KALRN: variants seen among roughly 807,000 people sequenced by gnomAD.
The protein encoded by KALRN is kalirin RhoGEF kinase, also known as kalirin.
KALRN carries 70 observed loss-of-function variants against 353.7 expected under a neutral mutation model. That is an observed-to-expected ratio of 0.20 (90% CI 0.16 to 0.24). The LOEUF is 0.24. Ranked by LOEUF, KALRN falls within the 10% of genes least tolerant of loss-of-function variation. KALRN has a pLI of 1.00. For synonymous variants in KALRN, 1,391 were observed against 1,434.8 expected (o/e 0.97, Z 0.69); for missense variants, 2,791 against 3,756.7 (o/e 0.74, Z 6.72).
chr3:124,280,028 G>T (rs2075182783), intron 5 of KALRN, among the ~76,000 whole-genome samples: 1 of 152,152 alleles, frequency 6.6e-6, no homozygotes. Flanking sequence ...TGCCATGTGG[G>T]TTACCAGGAG....
chr3:124,339,718 A>T (rs973395272), intron 9 of KALRN, among the ~76,000 whole-genome samples: 2 of 152,204 alleles, frequency 1.3e-5, no homozygotes, highest in Admixed American at 6.5e-5. Context: ...TGGCATATAG[A>T]TGATCCTTAA....
chr3:124,410,648 A>G (rs1399733457), intron 13 of KALRN, among the ~76,000 whole-genome samples: 1 of 152,226 alleles, frequency 6.6e-6, no homozygotes, highest in African/African-American at 2.4e-5. Context: ...ATGAAATAGC[A>G]CTTCACACCC....
intron 12 of KALRN, among the ~76,000 whole-genome samples, chr3:124,397,313 G>C (rs2090290725): frequency 6.6e-6 from 1 of 152,176 alleles, no homozygotes; most frequent in East Asian, 1.9e-4. Context: ...AACAGGCCAG[G>C]GTGAGGAGGC....
At chr3:124,379,824 T>G (rs1296382917) in intron 10 of KALRN, among the ~76,000 whole-genome samples, 1 of 152,244 alleles carries the variant, frequency 6.6e-6, no homozygotes, top group African/African-American at 2.4e-5. Context: ...AAGAGATTTG[T>G]CAGCTGTAAA....
At chr3:124,254,822 G>A (rs1032590236) in intron 3 of KALRN, among the ~76,000 whole-genome samples, 3 of 152,126 alleles carry the variant, frequency 2.0e-5, no homozygotes, top group Non-Finnish European at 4.4e-5. Flanking sequence ...CTGGTCTCCT[G>A]CTTCCTTACC....
At chr3:124,366,815 T>A (rs1330034610) in intron 10 of KALRN, among the ~76,000 whole-genome samples, 1 of 118,016 alleles carries the variant, frequency 8.5e-6, no homozygotes, top group African/African-American at 3.4e-5. Context: ...CCGGACGGGG[T>A]GGCTGGCTGG....
intron 33 of KALRN, among the ~76,000 whole-genome samples, chr3:124,505,448 G>A (rs766369016): frequency 1.1e-4 from 17 of 152,090 alleles, no homozygotes; most frequent in Non-Finnish European, 2.2e-4. Flanking sequence ...TGGGCAGCAT[G>A]GTGAAACCCT....
At chr3:124,309,450 A>C in intron 6 of KALRN, among the ~76,000 whole-genome samples, 1 of 152,166 alleles carries the variant, frequency 6.6e-6, no homozygotes, top group East Asian at 1.9e-4. Context: ...AGTCCCAGCT[A>C]CTTGTGAGGC....
intron 33 of KALRN, 138 bp downstream of exon 33, chr3:124,496,551 GGA>G (rs1391257217): frequency 1.5e-6 from 1 of 654,422 alleles, no homozygotes; most frequent in Admixed American, 2.3e-5. Context: ...CAGCCAAGGA[GGA>G]AAGAACAGGG....
intron 21 of KALRN, among the ~76,000 whole-genome samples, chr3:124,449,169 A>G (rs1299487319): frequency 2.0e-5 from 3 of 152,180 alleles, no homozygotes; most frequent in African/African-American, 7.2e-5. Context: ...TGAATTTGAA[A>G]TGGAAACCAA....
chr3:124,329,507 G>T (rs57513297), intron 7 of KALRN, among the ~76,000 whole-genome samples: 1 of 152,040 alleles, frequency 6.6e-6, no homozygotes, highest in Admixed American at 6.5e-5. Context: ...GTGAGTGTGC[G>T]TGGGGCAAGA....
chr3:124,237,463 A>G (rs1259835506), intron 3 of KALRN, among the ~76,000 whole-genome samples: 7 of 151,418 alleles, frequency 4.6e-5, no homozygotes, highest in African/African-American at 1.5e-4. Flanking sequence ...CCCAGGTTCA[A>G]GTGATTCTTG....
chr3:124,359,159 G>C (rs1374345026), intron 10 of KALRN, among the ~76,000 whole-genome samples: 1 of 152,142 alleles, frequency 6.6e-6, no homozygotes, highest in Non-Finnish European at 1.5e-5. Context: ...AACCCAAAAG[G>C]TGTCTATGCA....
Position 124,085,553 on chromosome 3 carries a change from G to A in KALRN, c.73+51740G>A, listed in dbSNP as rs16835082. ...AGCCACTTGAACAGGTGGATAAGTCGGGTGAATTTTTTACTGTGACCTGTG... is the reference window on the plus strand; with the variant it reads ...AGCCACTTGAACAGGTGGATAAGTCAGGTGAATTTTTTACTGTGACCTGTG... On this transcript the variant is annotated intron_variant, in intron 1 of 59. Transcript: ENST00000682506. Among the ~76,000 whole-genome samples, 1,291 of 152,258 alleles carry A rather than the reference G, an allele frequency of 8.5e-3. 22 individuals are homozygous for A. The highest frequency in any genetic ancestry group is 0.029 in the African/African-American group (1,197 of 41,534).
intron 1 of KALRN, among the ~76,000 whole-genome samples, chr3:124,190,816 A>C (rs1008399402): frequency 6.6e-6 from 1 of 152,204 alleles, no homozygotes; most frequent in African/African-American, 2.4e-5. Flanking sequence ...AGCAGACACC[A>C]ACTGGGTGCC....
intron 3 of KALRN, among the ~76,000 whole-genome samples, chr3:124,263,852 C>G (rs1009027206): frequency 7.2e-5 from 11 of 152,142 alleles, no homozygotes; most frequent in African/African-American, 2.7e-4. Context: ...TAAGAGGCAA[C>G]AGGGTCTCTG....
chr3:124,365,031 T>G (rs1025524277), intron 10 of KALRN, among the ~76,000 whole-genome samples: 4 of 152,212 alleles, frequency 2.6e-5, no homozygotes, highest in Non-Finnish European at 5.9e-5. Flanking sequence ...TGGTCACTCC[T>G]TTACCAAGTA....
intron 1 of KALRN, among the ~76,000 whole-genome samples, chr3:124,118,564 C>G (rs1167526939): frequency 6.6e-6 from 1 of 152,190 alleles, no homozygotes; most frequent in South Asian, 2.1e-4. Flanking sequence ...CTGTCCCTCA[C>G]GTGGGCTCTG....
At chr3:124,569,097 C>T (rs965108234) in intron 34 of KALRN, among the ~76,000 whole-genome samples, 14 of 152,144 alleles carry the variant, frequency 9.2e-5, no homozygotes, top group African/African-American at 3.4e-4. Context: ...CACTTTCTTC[C>T]CTGGCTGGGG....
Sources: gnomAD v4.1 joint callset for allele counts (sites outside exome capture counted in the v4.1 genomes callset) on GRCh38, gnomAD v4.1.1 for gene constraint, MANE v1.5 for transcripts, NCBI Gene and HGNC (gene_info 2026-07-23, HGNC 2026-07-21) for gene names.